The following FYN variants were observed in gnomAD, a reference collection of about 807,000 sequenced individuals.
The protein encoded by FYN is FYN proto-oncogene, Src family tyrosine kinase.
In FYN, 10 loss-of-function variants were observed where a neutral mutation model predicts 70.2. The observed-to-expected ratio is 0.14, with a 90% CI of 0.09 to 0.24. The LOEUF (loss-of-function observed/expected upper bound fraction) is 0.24, where lower values mean the gene tolerates loss of function less well. FYN is among the 10% of genes least tolerant of loss of function. FYN has a pLI of 1.00. For synonymous variants in FYN, 236 were observed against 248.6 expected, an observed-to-expected ratio of 0.95 and a Z score of 0.48; for missense variants, 319 against 673.1, an observed-to-expected ratio of 0.47 and a Z score of 5.82.
intron 2 of FYN, among the ~76,000 whole-genome samples, chr6:111,788,320 C>A (rs1771477298): frequency 1.3e-5 from 2 of 152,226 alleles, no homozygotes; most frequent in South Asian, 4.1e-4. Context: ...CAGTTCTAGT[C>A]ATTCTGTTGC....
At chr6:111,794,365 A>G (rs1562524041) in intron 2 of FYN, among the ~76,000 whole-genome samples, 2 of 152,236 alleles carry the variant, frequency 1.3e-5, no homozygotes, top group East Asian at 3.8e-4. Context: ...CATGAATGCC[A>G]CAGAGATTTT....
At chr6:111,741,563 GT>G in intron 3 of FYN, among the ~76,000 whole-genome samples, 1 of 151,904 alleles carries the variant, frequency 6.6e-6, no homozygotes, top group South Asian at 2.1e-4. Flanking sequence ...TAATAAACCA[GT>G]TTTTTTTCTT....
intron 9 of FYN, 192 bp downstream of exon 9, chr6:111,699,908 ACTAT>A (rs931291495): frequency 1.7e-5 from 10 of 593,644 alleles, no homozygotes; most frequent in East Asian, 9.9e-5. Context: ...TTGCCCACTT[ACTAT>A]CTTTTTTTTT....
At position 111,666,287 on chromosome 6, in the gene FYN, G is replaced by T. The variant is rs568076302; in HGVS notation, c.1406-4340C>A. Among the ~76,000 whole-genome samples the T allele has an allele frequency of 2.6e-4, 40 of 152,272 alleles. No individual in the cohort carries two copies. The South Asian group carries it at 7.9e-3, about 30-fold the overall frequency. ...CAAGGGAGAGCATTTTTCAACAGGAGGGGAGATCCTGGCTGGCCAGTGGTG... is the reference window on the plus strand; with the variant it reads ...CAAGGGAGAGCATTTTTCAACAGGATGGGAGATCCTGGCTGGCCAGTGGTG... On this transcript the variant is annotated intron_variant, in intron 13 of 13. Coordinates refer to ENST00000354650, the MANE Select transcript of FYN (RefSeq NM_002037.5).
intron 9 of FYN, among the ~76,000 whole-genome samples, chr6:111,698,467 A>G (rs1312099968): frequency 6.6e-6 from 1 of 152,168 alleles, no homozygotes; most frequent in Non-Finnish European, 1.5e-5. Flanking sequence ...GACCACACCT[A>G]AAGATCTATA....
intron 3 of FYN, among the ~76,000 whole-genome samples, chr6:111,766,120 A>G (rs1175087452): frequency 6.6e-6 from 1 of 152,228 alleles, no homozygotes. Flanking sequence ...AGCACTTATG[A>G]GTGTCAGGCA....
intron 3 of FYN, among the ~76,000 whole-genome samples, chr6:111,763,418 C>T (rs1803087235): frequency 6.6e-6 from 1 of 152,152 alleles, no homozygotes; most frequent in Non-Finnish European, 1.5e-5. Context: ...TTAAGGTTTA[C>T]TATTTTTAAG....
chr6:111,869,213 T>C (rs1194431837), intron 1 of FYN, among the ~76,000 whole-genome samples: 2 of 152,218 alleles, frequency 1.3e-5, no homozygotes, highest in Non-Finnish European at 2.9e-5. Flanking sequence ...CCGTGGAATA[T>C]GCAAGACTCA....
intron 3 of FYN, among the ~76,000 whole-genome samples, chr6:111,755,485 T>C (rs1303987395): frequency 6.6e-6 from 1 of 152,126 alleles, no homozygotes; most frequent in East Asian, 1.9e-4. Flanking sequence ...AATAAGGATA[T>C]AGAAGATGTG....
chr6:111,710,313 T>C (rs1800309041), intron 5 of FYN, among the ~76,000 whole-genome samples: 2 of 152,244 alleles, frequency 1.3e-5, no homozygotes, highest in South Asian at 4.1e-4. Flanking sequence ...AGCCAATACA[T>C]TTTGCTGCAG....
At position 111,691,703 on chromosome 6, in the gene FYN, A is replaced by G. The variant is rs564791673; in HGVS notation, c.1273+2672T>C. The stretch of plus-strand genomic sequence containing the variant: ...GAAGGTCTCTCCAACTCCCTCATAC[A>G]GACACACTAGAAGGTGCTCCTTAAA... On this transcript the variant is annotated intron_variant, in intron 12 of 13. Coordinates refer to ENST00000354650, the MANE Select transcript of FYN (RefSeq NM_002037.5). Among the ~76,000 whole-genome samples, 19 of 152,334 alleles carry G rather than the reference A, an allele frequency of 1.2e-4. No individual in the cohort carries two copies. The South Asian group carries it at 3.3e-3, about 27-fold the overall frequency.
rs1390852721 is a variant in FYN, at chr6:111,696,175, AG to A, written c.1042+101del. On this transcript the variant is annotated intron_variant, in intron 10 of 13. Coordinates refer to ENST00000354650, the MANE Select transcript of FYN (RefSeq NM_002037.5). ...GGTTCCTAATGGGAATACTTGACCC[AG>A]GCAGAAACTAGAAAAGTAGCAAGTA... is the stretch of plus-strand genomic sequence containing the variant. The A allele has an allele frequency of 1.9e-4, 196 of 1,039,198 alleles. 1 individual carries two copies. Among genetic ancestry groups the A allele is most frequent in the Non-Finnish European group, 4.2e-5 (31 of 744,920 alleles). 64.4% of individuals were successfully genotyped at this position (1,039,198 alleles called of 1,614,324 possible).
At chr6:111,736,244 G>A (rs998800793) in intron 3 of FYN, among the ~76,000 whole-genome samples, 2 of 152,176 alleles carry the variant, frequency 1.3e-5, no homozygotes, top group Non-Finnish European at 1.5e-5. Context: ...AGTCAAATAC[G>A]AATGTCTTTA....
At chr6:111,763,157 C>A (rs1803077596) in intron 3 of FYN, among the ~76,000 whole-genome samples, 1 of 152,208 alleles carries the variant, frequency 6.6e-6, no homozygotes, top group South Asian at 2.1e-4. Context: ...CTCCTGGACA[C>A]ACACTGCCTT....
chr6:111,812,842 T>C (rs1772370266), intron 2 of FYN, among the ~76,000 whole-genome samples: 1 of 152,096 alleles, frequency 6.6e-6, no homozygotes, highest in Non-Finnish European at 1.5e-5. Flanking sequence ...AATTGACTAA[T>C]ATCTAAAGCA....
chr6:111,727,186 G>C (rs1801226876), intron 3 of FYN, among the ~76,000 whole-genome samples: 1 of 152,098 alleles, frequency 6.6e-6, no homozygotes, highest in African/African-American at 2.4e-5. Flanking sequence ...AGAGATGCTG[G>C]ACCATACTAG....
At chr6:111,860,956 G>T (rs2114518735) in intron 1 of FYN, among the ~76,000 whole-genome samples, 1 of 152,346 alleles carries the variant, frequency 6.6e-6, no homozygotes, top group African/African-American at 2.4e-5. Flanking sequence ...GGAGAGGCAA[G>T]ATTAGAAGTA....
chr6:111,788,904 A>G (rs144679738), intron 2 of FYN, among the ~76,000 whole-genome samples: 1 of 152,070 alleles, frequency 6.6e-6, no homozygotes, highest in East Asian at 1.9e-4. Context: ...TGCTCTGAGA[A>G]GGCAACACTG....
chr6:111,724,102 G>T (rs1801080006), intron 3 of FYN, among the ~76,000 whole-genome samples: 1 of 152,136 alleles, frequency 6.6e-6, no homozygotes, highest in Admixed American at 6.5e-5. Context: ...AATAAAACTT[G>T]ATCTATTTAA....
Sources: gnomAD v4.1 joint callset for allele counts (sites outside exome capture counted in the v4.1 genomes callset) on GRCh38, gnomAD v4.1.1 for gene constraint, MANE v1.5 for transcripts, NCBI Gene and HGNC (gene_info 2026-07-23, HGNC 2026-07-21) for gene names.